Variants in PRKCD observed in about 807,000 individuals in gnomAD.
The protein encoded by PRKCD is protein kinase C delta type.
A neutral mutation model predicts 82.2 loss-of-function variants in PRKCD; 20 were observed. The ratio of observed to expected loss-of-function variants is 0.24; its 90% confidence interval spans 0.17 to 0.35. PRKCD has a LOEUF of 0.35. PRKCD is among the 10% of genes least tolerant of loss of function. PRKCD has a pLI of 1.00. For missense variants in PRKCD, 607 were observed against 899.0 expected, an observed-to-expected ratio of 0.68 and a Z score of 4.15; for synonymous variants, 317 against 337.0, an observed-to-expected ratio of 0.94 and a Z score of 0.65.
At chr3:53,186,788 C>G (rs1211326081) in intron 14 of PRKCD, 93 bp downstream of exon 14, 13 of 1,308,848 alleles carry the variant, frequency 9.9e-6, no homozygotes, top group Non-Finnish European at 1.4e-5. Flanking sequence ...GCCTTCTTCC[C>G]TCTCCCTAGA....
chr3:53,184,113 A>ACC (rs1553668433), intron 9 of PRKCD, among the ~76,000 whole-genome samples: 7 of 150,172 alleles, frequency 4.7e-5, no homozygotes, highest in East Asian at 2.0e-4. Flanking sequence ...CGGGCGGATC[A>ACC]TGAGGTTAGG....
chr3:53,185,051 G>T, intron 10 of PRKCD, 77 bp downstream of exon 10: 2 of 1,321,872 alleles, frequency 1.5e-6, no homozygotes, highest in Admixed American at 1.8e-5. Context: ...CACTGCTGGG[G>T]AGCCACAGAC....
intron 7 of PRKCD, among the ~76,000 whole-genome samples, chr3:53,182,371 C>T (rs1398347149): frequency 6.6e-5 from 10 of 152,108 alleles, no homozygotes; most frequent in South Asian, 6.2e-4. Flanking sequence ...AAGGTTCAAG[C>T]GATTCTCTTG....
At chr3:53,176,531 T>G (rs953051731) in intron 2 of PRKCD, among the ~76,000 whole-genome samples, 17 of 152,266 alleles carry the variant, frequency 1.1e-4, no homozygotes, top group African/African-American at 3.9e-4. Context: ...GTGTGCTGGC[T>G]TATGTTCAGG....
intron 18 of PRKCD, 112 bp from the exon 19 acceptor site, chr3:53,191,996 T>C (rs1703939811): frequency 2.7e-6 from 3 of 1,129,838 alleles, no homozygotes; most frequent in Non-Finnish European, 3.9e-6. Flanking sequence ...CTGTCTTCTG[T>C]TCTGGGTGAG....
rs115185120 is a variant in PRKCD at position 53,169,198 on chromosome 3, C to T, written c.-20+3983C>T. ...ATGAGGAGCGCTGGGAGGGGAACGG[C>T]GGGGGACTGGTGTGGGCAGGCTTGA... On this transcript the variant is annotated intron_variant, in intron 2 of 18. Coordinates refer to ENST00000330452, the MANE Select transcript of PRKCD (RefSeq NM_006254.4). This position sits in a 1 kb window ranked among gnomAD's most constrained non-coding sequence, Gnocchi z 4.7. Among the ~76,000 whole-genome samples, 2,061 of 151,958 alleles carry T rather than the reference C, an allele frequency of 0.014. 49 individuals carry two copies. The highest frequency in any genetic ancestry group is 0.047 in the African/African-American group (1,963 of 41,408).
At chr3:53,165,720 C>T (rs894367468) in intron 2 of PRKCD, among the ~76,000 whole-genome samples, 3 of 152,240 alleles carry the variant, frequency 2.0e-5, no homozygotes, top group Admixed American at 1.3e-4. Context: ...CCCCAGGCCC[C>T]TCCATTTTCC....
At chr3:53,185,407 T>A (rs1229662446) in intron 10 of PRKCD, among the ~76,000 whole-genome samples, 197 bp from the exon 11 acceptor site, 13 of 152,176 alleles carry the variant, frequency 8.5e-5, no homozygotes, top group African/African-American at 3.1e-4. Context: ...ATCAGAGCCT[T>A]TCAGACCACC....
At position 53,169,103 on chromosome 3, in the gene PRKCD, C is replaced by T. The variant is rs1261596484; in HGVS notation, c.-20+3888C>T. ...CAGGCTGCAGCGGCAGACGGGATGG[C>T]CTTATTGTGTGGGGAGCAGGGGGAG... On this transcript the variant is annotated intron_variant, in intron 2 of 18. Coordinates refer to ENST00000330452, the MANE Select transcript of PRKCD (RefSeq NM_006254.4). This position sits in a 1 kb window ranked among gnomAD's most constrained non-coding sequence, Gnocchi z 4.7. Among the ~76,000 whole-genome samples the T allele has an allele frequency of 3.3e-5, 5 of 151,972 alleles. No homozygotes were observed. Among genetic ancestry groups the T allele is most frequent in the African/African-American group, 7.3e-5 (3 of 41,362 alleles).
intron 2 of PRKCD, 30 bp from the exon 3 acceptor site, chr3:53,178,374 C>A (rs1553666336): frequency 6.6e-7 from 1 of 1,519,404 alleles, no homozygotes; most frequent in Non-Finnish European, 9.0e-7. Flanking sequence ...TCCCGCCCGG[C>A]CGCCTGGCCT....
At chr3:53,170,452 G>A (rs1000642261) in intron 2 of PRKCD, among the ~76,000 whole-genome samples, 35 of 152,194 alleles carry the variant, frequency 2.3e-4, no homozygotes, top group African/African-American at 7.5e-4. Flanking sequence ...CCCCCTGCGC[G>A]CCAGGCCTGT....
chr3:53,181,517 G>A lies in PRKCD; in HGVS notation c.450G>A (p.Gln150=). Residue 150 remains glutamine, a synonymous_variant, in exon 6 of 19, where the codon CAG becomes CAA. Coordinates refer to ENST00000330452, the MANE Select transcript of PRKCD (RefSeq NM_006254.4). ...PTMNRRGAIK[Q]AKIHYIKNHE... is the part of the protein sequence containing the mutation. ...TGAACCGCCGCGGAGCCATCAAACA[G>A]GCCAAAATCCACTACATCAAGAACC... is the stretch of plus-strand genomic sequence containing the variant. 1 of 1,614,232 alleles carries A rather than the reference G, an allele frequency of 6.2e-7. No homozygotes were observed. Among genetic ancestry groups the A allele is most frequent in the Non-Finnish European group, 8.5e-7 (1 of 1,180,034 alleles).
intron 2 of PRKCD, among the ~76,000 whole-genome samples, chr3:53,170,636 G>A (rs1702990222): frequency 6.6e-6 from 1 of 152,232 alleles, no homozygotes; most frequent in South Asian, 2.1e-4. Flanking sequence ...GGGTGGAAAG[G>A]CCCAGCCTAG....
At chr3:53,176,778 G>A (rs1427545246) in intron 2 of PRKCD, among the ~76,000 whole-genome samples, 3 of 152,238 alleles carry the variant, frequency 2.0e-5, no homozygotes, top group Non-Finnish European at 2.9e-5. Flanking sequence ...GTATGAATCT[G>A]CAAGGCACAT....
At chr3:53,170,353 G>T (rs1166132067) in intron 2 of PRKCD, among the ~76,000 whole-genome samples, 3 of 152,232 alleles carry the variant, frequency 2.0e-5, no homozygotes, top group Non-Finnish European at 4.4e-5. Context: ...CTCTCTTTCG[G>T]TTTCTGCACA....
chr3:53,180,667 G>A (rs1450250027), intron 4 of PRKCD, among the ~76,000 whole-genome samples: 3 of 152,292 alleles, frequency 2.0e-5, no homozygotes, highest in Non-Finnish European at 2.9e-5. Flanking sequence ...GCCTCTGGCT[G>A]TGCTGTCTCC....
intron 13 of PRKCD, 57 bp from the exon 14 acceptor site, chr3:53,186,547 C>T: frequency 6.6e-7 from 1 of 1,507,720 alleles, no homozygotes. Context: ...CAGTGGCCCT[C>T]AGTGAGGGAG....
chr3:53,175,011 T>C (rs1315967734), intron 2 of PRKCD, among the ~76,000 whole-genome samples: 3 of 152,226 alleles, frequency 2.0e-5, no homozygotes, highest in Admixed American at 2.0e-4. Flanking sequence ...TCTGACCCAC[T>C]GTCTCCTCCA....
In PRKCD at chr3:53,181,440, C is replaced by A; in HGVS notation, c.377-4C>A. On this transcript the variant is annotated splice_region_variant and splice_polypyrimidine_tract_variant and intron_variant, in intron 5 of 18. Coordinates refer to ENST00000330452, the MANE Select transcript of PRKCD (RefSeq NM_006254.4). ...GGCTGACTTCCCTACTCCATGGTCACCAGATTGCAAACAGTCTATGCGCAG... is the reference window on the plus strand; with the variant it reads ...GGCTGACTTCCCTACTCCATGGTCAACAGATTGCAAACAGTCTATGCGCAG... 1 of 1,614,116 alleles carries A rather than the reference C, an allele frequency of 6.2e-7. No individual in the cohort carries two copies. The highest frequency in any genetic ancestry group is 1.3e-5 in the African/African-American group (1 of 75,032).
Sources: gnomAD v4.1 joint callset for allele counts (sites outside exome capture counted in the v4.1 genomes callset) on GRCh38, gnomAD v4.1.1 for gene constraint, Gnocchi (gnomAD v3.1) non-coding constraint, MANE v1.5 for transcripts, NCBI Gene and HGNC (gene_info 2026-07-23, HGNC 2026-07-21) for gene names.